MIB1: variants seen among roughly 807,000 people sequenced by gnomAD.
MIB1 encodes the protein E3 ubiquitin-protein ligase MIB1.
MIB1 carries 278 observed loss-of-function variants against 124.5 expected under a neutral mutation model. The observed-to-expected ratio is 2.23, with a 90% CI of 2.02 to 2.47. The LOEUF (loss-of-function observed/expected upper bound fraction) is 2.47, where lower values mean the gene tolerates loss of function less well. Ranked by LOEUF, MIB1 falls within the 30% of genes most tolerant of loss-of-function variation. The pLI is 0.00. For missense variants in MIB1, 957 were observed against 1,254.4 expected (o/e 0.76, Z 3.58); for synonymous variants, 446 against 429.4 (o/e 1.04, Z -0.48).
At chr18:21,738,766 C>A (rs1197315623), upstream of MIB1, among the ~76,000 whole-genome samples, 1 of 126,008 alleles carries the variant, frequency 7.9e-6, no homozygotes, top group Non-Finnish European at 1.6e-5. Flanking sequence ...GAGATCACAC[C>A]ACTGCACTCC....
chr18:21,752,132 G>T (rs1192960270), intron 1 of MIB1, among the ~76,000 whole-genome samples: 2 of 152,228 alleles, frequency 1.3e-5, no homozygotes. Context: ...TCCAGCTTGA[G>T]CTGGTCAGCC....
chr18:21,796,762 A>T (rs1339567446), intron 7 of MIB1, among the ~76,000 whole-genome samples: 1 of 152,136 alleles, frequency 6.6e-6, no homozygotes, highest in Non-Finnish European at 1.5e-5. Context: ...GGTGAACAAA[A>T]TGAGCCTCGT....
chr18:21,750,917 C>G (rs967150947), intron 1 of MIB1, among the ~76,000 whole-genome samples: 2 of 152,102 alleles, frequency 1.3e-5, no homozygotes, highest in African/African-American at 4.8e-5. Flanking sequence ...ATTTGCTCAG[C>G]TGGGCACAGT....
At chr18:21,845,169 C>G (rs760428239) in intron 15 of MIB1, among the ~76,000 whole-genome samples, 4 of 152,088 alleles carry the variant, frequency 2.6e-5, no homozygotes, top group Admixed American at 6.6e-5. Flanking sequence ...TGCCACCACG[C>G]CCAGCTAATT....
chr18:21,746,020 G>T (rs1323572039), intron 1 of MIB1, among the ~76,000 whole-genome samples: 1 of 151,948 alleles, frequency 6.6e-6, no homozygotes, highest in East Asian at 1.9e-4. Flanking sequence ...CTATATTTTT[G>T]TGTGTGTCAT....
chr18:21,793,050 G>T (rs2041524994), intron 7 of MIB1, among the ~76,000 whole-genome samples: 1 of 152,202 alleles, frequency 6.6e-6, no homozygotes, highest in South Asian at 2.1e-4. Context: ...GACAGCTATT[G>T]AGTCTGCATC....
chr18:21,717,926 A>C (rs1481233992), intron 1 of MIB1, among the ~76,000 whole-genome samples: 1 of 152,224 alleles, frequency 6.6e-6, no homozygotes, highest in Non-Finnish European at 1.5e-5. Flanking sequence ...CATTATACGA[A>C]AAAGATACTT....
intron 2 of MIB1, 23 bp from the exon 3 acceptor site, chr18:21,768,600 A>G (rs2041190640): frequency 2.0e-6 from 3 of 1,468,086 alleles, no homozygotes; most frequent in African/African-American, 2.8e-5. Context: ...TATAAACTTG[A>G]AAATAAATAA....
At chr18:21,834,874 T>C (rs2042012481) in intron 12 of MIB1, among the ~76,000 whole-genome samples, 1 of 152,202 alleles carries the variant, frequency 6.6e-6, no homozygotes, top group Non-Finnish European at 1.5e-5. Flanking sequence ...TAACAGCGCT[T>C]CAACATTGGT....
At chr18:21,730,834 C>T (rs2040765991) in intron 1 of MIB1, among the ~76,000 whole-genome samples, 1 of 152,200 alleles carries the variant, frequency 6.6e-6, no homozygotes, top group African/African-American at 2.4e-5. Flanking sequence ...CTAATAGCTT[C>T]TCATTGCTAT....
At chr18:21,822,360 A>T (rs1171891901) in intron 12 of MIB1, among the ~76,000 whole-genome samples, 2 of 152,228 alleles carry the variant, frequency 1.3e-5, no homozygotes, top group East Asian at 3.8e-4. Flanking sequence ...AAGGAAGAGA[A>T]AATTTACTTT....
intron 1 of MIB1, among the ~76,000 whole-genome samples, chr18:21,719,372 G>A (rs1441834928): frequency 1.3e-5 from 2 of 151,954 alleles, no homozygotes; most frequent in Non-Finnish European, 2.9e-5. Context: ...CATATAAGTC[G>A]GTAATTAATT....
Position 21,773,290 on chromosome 18 carries a change from A to T in MIB1, c.532-334A>T, listed in dbSNP as rs942877049. 5.3e-5 allele frequency among the ~76,000 whole-genome samples: 8 copies of T among 152,030 alleles called. 1 individual carries two copies. The highest frequency in any genetic ancestry group is 5.2e-4 in the Admixed American group (8 of 15,256). On this transcript the variant is annotated intron_variant, in intron 3 of 20. Coordinates refer to ENST00000261537, the MANE Select transcript of MIB1 (RefSeq NM_020774.4). ...AAAACCAAAAACCAAAAAACAAAAAACTGTTCTTAAAGGAATCTCTTTAAG... is the reference window on the plus strand; with the variant it reads ...AAAACCAAAAACCAAAAAACAAAAATCTGTTCTTAAAGGAATCTCTTTAAG...
intron 6 of MIB1, among the ~76,000 whole-genome samples, chr18:21,780,753 T>G (rs2041351752): frequency 6.6e-6 from 1 of 152,050 alleles, no homozygotes; most frequent in African/African-American, 2.4e-5. Context: ...CGGCCCACAT[T>G]TTCTTTATCC....
At chr18:21,752,092 A>C (rs1349663990) in intron 1 of MIB1, among the ~76,000 whole-genome samples, 1 of 152,224 alleles carries the variant, frequency 6.6e-6, no homozygotes, top group Non-Finnish European at 1.5e-5. Flanking sequence ...TAAAGCAAGT[A>C]ATTGAGCTTC....
rs969730140 is a variant in MIB1 at position 21,868,011 on chromosome 18, C to T, written c.*3345C>T. ...AAATTATAGGCTTTAATACAGGTTG[C>T]TTTTTTTAATCCAAAAGGAAAAGCA... On this transcript the variant is annotated 3_prime_UTR_variant, in exon 21 of 21. Transcript: ENST00000261537. 2.0e-5 allele frequency: 3 copies of T among 151,722 alleles called. No individual in the cohort carries two copies. Among genetic ancestry groups the T allele is most frequent in the Non-Finnish European group, 4.4e-5 (3 of 67,852 alleles). The allele number at this position is 151,722 out of a possible 1,614,324, so 9.4% of individuals were successfully genotyped here.
At chr18:21,746,073 G>A (rs912676422) in intron 1 of MIB1, among the ~76,000 whole-genome samples, 16 of 152,104 alleles carry the variant, frequency 1.1e-4, no homozygotes, top group African/African-American at 3.6e-4. Flanking sequence ...ATTTATCAGA[G>A]GGAGAACTGA....
intron 1 of MIB1, among the ~76,000 whole-genome samples, chr18:21,750,359 G>A (rs1214861685): frequency 6.6e-6 from 1 of 151,928 alleles, no homozygotes; most frequent in Non-Finnish European, 1.5e-5. Flanking sequence ...ACGGAGTCTC[G>A]CTCTGTCGTC....
intron 1 of MIB1, among the ~76,000 whole-genome samples, chr18:21,747,292 TGA>T (rs1478041807): frequency 6.6e-6 from 1 of 152,254 alleles, no homozygotes; most frequent in Non-Finnish European, 1.5e-5. Flanking sequence ...TTGGTTGAGC[TGA>T]GGACTTCAAG....
Sources: gnomAD v4.1 joint callset for allele counts (sites outside exome capture counted in the v4.1 genomes callset) on GRCh38, gnomAD v4.1.1 for gene constraint, MANE v1.5 for transcripts, NCBI Gene and HGNC (gene_info 2026-07-23, HGNC 2026-07-21) for gene names.